CAMK2B: variants seen among roughly 807,000 people sequenced by gnomAD.
CAMK2B encodes calcium/calmodulin-dependent protein kinase type II subunit beta.
A neutral mutation model predicts 93.7 loss-of-function variants in CAMK2B; 27 were observed. That is an observed-to-expected ratio of 0.29 (90% confidence interval 0.21 to 0.40). The LOEUF (loss-of-function observed/expected upper bound fraction) is 0.40. CAMK2B is among the 10% of genes least tolerant of loss of function. CAMK2B has a pLI of 1.00. For missense variants in CAMK2B, 568 were observed against 895.8 expected (o/e 0.63, Z 4.67); for synonymous variants, 374 against 358.8 (o/e 1.04, Z -0.48).
Position 44,276,187 on chromosome 7 carries a change from G to A in CAMK2B, c.160+7944C>T, listed in dbSNP as rs568042105. The stretch of plus-strand genomic sequence containing the variant: ...CCCTGAGCCGGGGAGGAGGGAAAGG[G>A]GCGGGTCTCCAGGCTGGGAGGGGAG... On this transcript the variant is annotated intron_variant, in intron 2 of 23. Transcript: ENST00000395749. 3.1e-3 allele frequency among the ~76,000 whole-genome samples: 472 copies of A among 152,110 alleles called. 1 individual carries two copies. Among genetic ancestry groups the A allele is most frequent in the African/African-American group, 0.01 (428 of 41,494 alleles).
rs1311399763 is a variant in CAMK2B, at chr7:44,312,692, CAG to C, written c.65+12663_65+12664del. On this transcript the variant is annotated intron_variant, in intron 1 of 23. Coordinates refer to ENST00000395749, the MANE Select transcript of CAMK2B (RefSeq NM_001220.5). This position sits in a 1 kb window ranked among gnomAD's most constrained non-coding sequence, Gnocchi z 4.1. ...GAGAGAAACAGAGAGACAGAGGAGA[CAG>C]AGAAAGAGTAACACCTCCCGCAAGA... is the stretch of plus-strand genomic sequence containing the variant. Among the ~76,000 whole-genome samples the C allele has an allele frequency of 1.3e-5, 2 of 152,122 alleles. No individual in the cohort carries two copies. Among genetic ancestry groups the C allele is most frequent in the African/African-American group, 2.4e-5 (1 of 41,426 alleles).
At chr7:44,263,554 T>C (rs1488983875) in intron 2 of CAMK2B, among the ~76,000 whole-genome samples, 2 of 151,890 alleles carry the variant, frequency 1.3e-5, no homozygotes, top group African/African-American at 4.8e-5. Flanking sequence ...AGGAGTAAAC[T>C]GGTGGTGAAG....
chr7:44,250,666 A>G (rs1371034493), intron 5 of CAMK2B, among the ~76,000 whole-genome samples: 1 of 151,152 alleles, frequency 6.6e-6, no homozygotes, highest in African/African-American at 2.4e-5. Context: ...AGTAGCTGGG[A>G]TTACAGGCAT....
rs566794586 is a variant in CAMK2B at position 44,284,687 on chromosome 7, T to C, written c.66-462A>G. Among the ~76,000 whole-genome samples the C allele has an allele frequency of 2.0e-5, 3 of 152,248 alleles. No individual in the cohort carries two copies. In the South Asian group the frequency reaches 6.2e-4, roughly 32 times the overall value. On this transcript the variant is annotated intron_variant, in intron 1 of 23. Coordinates refer to ENST00000395749, the MANE Select transcript of CAMK2B (RefSeq NM_001220.5). ...CTGCTGAGTCTTCCCCAGAGGCAAA[T>C]AAAGCTGGCCTTGTCTGGAAGGCCC...
chr7:44,229,240 C>T (rs990253214), intron 18 of CAMK2B, 148 bp downstream of exon 18: 2 of 630,808 alleles, frequency 3.2e-6, no homozygotes, highest in South Asian at 2.1e-5. Flanking sequence ...GCTGGGGCCA[C>T]CCTGGAAAGC....
At chr7:44,280,659 C>G (rs1394042135) in intron 2 of CAMK2B, among the ~76,000 whole-genome samples, 1 of 152,226 alleles carries the variant, frequency 6.6e-6, no homozygotes, top group African/African-American at 2.4e-5. Context: ...CGGAGCTTCT[C>G]CTGAGTGTGG....
intron 1 of CAMK2B, among the ~76,000 whole-genome samples, chr7:44,296,123 G>T (rs182010167): frequency 6.6e-5 from 10 of 152,296 alleles, no homozygotes; most frequent in Non-Finnish European, 8.8e-5. Flanking sequence ...GCATGCACCA[G>T]AACCAGACTC....
At chr7:44,240,898 C>T in intron 11 of CAMK2B, 149 bp from the exon 12 acceptor site, 1 of 767,998 alleles carries the variant, frequency 1.3e-6, no homozygotes. Flanking sequence ...GAGGCAAGAG[C>T]TCCAGGAAGC....
At chr7:44,278,136 G>C (rs1309402995) in intron 2 of CAMK2B, among the ~76,000 whole-genome samples, 2 of 152,204 alleles carry the variant, frequency 1.3e-5, no homozygotes, top group African/African-American at 4.8e-5. Context: ...CAGGGTGGCA[G>C]GCTGCCCGTG....
intron 16 of CAMK2B, 78 bp from the exon 17 acceptor site, chr7:44,231,132 C>A: frequency 1.1e-6 from 1 of 949,952 alleles, no homozygotes; most frequent in Non-Finnish European, 1.5e-6. Flanking sequence ...GTGGACAGGG[C>A]TGGGCCTGTG....
At chr7:44,220,319 G>A (rs764597728) in intron 22 of CAMK2B, 25 bp from the exon 23 acceptor site, 24 of 1,580,056 alleles carry the variant, frequency 1.5e-5, no homozygotes, top group South Asian at 7.8e-5. Flanking sequence ...CGGGGCGGGG[G>A]TCTCGGGTTA....
At chr7:44,314,212 T>A (rs1467471145) in intron 1 of CAMK2B, among the ~76,000 whole-genome samples, 1 of 152,208 alleles carries the variant, frequency 6.6e-6, no homozygotes, top group Non-Finnish European at 1.5e-5. Context: ...GAGTTGTATA[T>A]CCATTACCAC....
At chr7:44,233,203 CT>C (rs962289317) in intron 15 of CAMK2B, among the ~76,000 whole-genome samples, 1 of 152,140 alleles carries the variant, frequency 6.6e-6, no homozygotes, top group African/African-American at 2.4e-5. Context: ...TTGAGGGGTT[CT>C]CCCTACCCTT....
At position 44,243,465 on chromosome 7, in the gene CAMK2B, G is replaced by C; in HGVS notation, c.477C>G (p.Gly159=). The C allele has an allele frequency of 1.2e-6, 2 of 1,614,100 alleles. No individual in the cohort carries two copies. Among genetic ancestry groups the C allele is most frequent in the South Asian group, 2.2e-5 (2 of 91,074 alleles). The change falls in exon 7 of 24, where the codon GGC becomes GGG. Residue 159 remains glycine (G), a synonymous_variant. Coordinates refer to ENST00000395749, the MANE Select transcript of CAMK2B (RefSeq NM_001220.5). ...KGAAVKLADF[G]LAIEVQGDQQ... ...GGTCCCCCTGCACCTCGATAGCTAG[G>C]CCGAAGTCTGCCAGCTTCACTGCAG...
rs182618475 is a variant in CAMK2B at position 44,269,338 on chromosome 7, C to T, written c.161-6274G>A. ...AGGCCATGGTGCGACCAGTGCCCCC[C>T]GCGGGGGAAGGAGGGTCTTACAGGA... is the stretch of plus-strand genomic sequence containing the variant. On this transcript the variant is annotated intron_variant, in intron 2 of 23. Coordinates refer to ENST00000395749, the MANE Select transcript of CAMK2B (RefSeq NM_001220.5). Among the ~76,000 whole-genome samples the T allele has an allele frequency of 1.2e-4, 19 of 152,324 alleles. No homozygotes were observed. In the East Asian group the frequency reaches 3.1e-3, roughly 25 times the overall value.
intron 1 of CAMK2B, among the ~76,000 whole-genome samples, chr7:44,319,573 C>T (rs1795571438): frequency 6.6e-6 from 1 of 152,192 alleles, no homozygotes; most frequent in Admixed American, 6.5e-5. Context: ...TGGCCTTTGA[C>T]CGCGGCAGGA....
At chr7:44,296,241 G>T (rs949118390) in intron 1 of CAMK2B, among the ~76,000 whole-genome samples, 2 of 152,098 alleles carry the variant, frequency 1.3e-5, no homozygotes, top group Non-Finnish European at 1.5e-5. Flanking sequence ...AGAACAGGCG[G>T]GTGATGTAAG....
chr7:44,255,637 T>C (rs1213067866), intron 4 of CAMK2B, among the ~76,000 whole-genome samples: 1 of 152,206 alleles, frequency 6.6e-6, no homozygotes, highest in Non-Finnish European at 1.5e-5. Flanking sequence ...CTTCTCTATC[T>C]GCCTGGCAGT....
chr7:44,267,920 C>A (rs1308498752), intron 2 of CAMK2B: 1 of 152,238 alleles, frequency 6.6e-6, no homozygotes, highest in South Asian at 2.1e-4. Context: ...GCCCTGGGAG[C>A]TTTTCTAGGT....
Sources: gnomAD v4.1 joint callset for allele counts (sites outside exome capture counted in the v4.1 genomes callset) on GRCh38, gnomAD v4.1.1 for gene constraint, Gnocchi (gnomAD v3.1) non-coding constraint, MANE v1.5 for transcripts, NCBI Gene and HGNC (gene_info 2026-07-23, HGNC 2026-07-21) for gene names.